Variants in AJAP1 observed in about 807,000 individuals in gnomAD.
AJAP1 encodes adherens junctions associated protein 1.
AJAP1 carries 5 observed loss-of-function variants against 35.0 expected under a neutral mutation model. The observed-to-expected ratio is 0.14, with a 90% CI of 0.07 to 0.30. AJAP1 has a LOEUF of 0.30. AJAP1 is among the 10% of genes least tolerant of loss of function. The probability of loss-of-function intolerance (pLI) is 1.00; values close to 1 mark genes in which losing one functional copy is unlikely to be tolerated. For synonymous variants in AJAP1, 284 were observed against 249.3 expected, an observed-to-expected ratio of 1.14 and a Z score of -1.31; for missense variants, 586 against 571.0, an observed-to-expected ratio of 1.03 and a Z score of -0.27.
intron 1 of AJAP1, among the ~76,000 whole-genome samples, chr1:4,707,925 G>C (rs959134247): frequency 6.7e-6 from 1 of 148,864 alleles, no homozygotes; most frequent in African/African-American, 2.5e-5. Context: ...CTGTCTTTCT[G>C]CTTGTAGCTC....
In AJAP1 at chr1:4,712,672, C is replaced by T; in HGVS notation, c.802C>T (p.Pro268Ser). 5 of 1,517,596 alleles carry T rather than the reference C, an allele frequency of 3.3e-6. No homozygotes were observed. Among genetic ancestry groups the T allele is most frequent in the Non-Finnish European group, 3.5e-6 (4 of 1,128,984 alleles). The allele number at this position is 1,517,596 out of a possible 1,614,324, so 94.0% of individuals were successfully genotyped here. A position where few individuals can be genotyped will look rare whatever the true frequency, so the allele number is the denominator to read the frequency against. The change falls in exon 2 of 6, where the codon CCC (proline) becomes TCC (serine). Residue 268 changes from proline to serine, a missense_variant. Pro to Ser is a moderately conservative substitution (Grantham distance 74). Transcript: ENST00000378191. ...SPSNNGEVTQ[P>S]PRILGEASGL... The stretch of plus-strand genomic sequence containing the variant: ...CAGCAACAACGGGGAAGTCACCCAG[C>T]CCCCAAGGATTCTGGGGGAGGCCTC...
chr1:4,759,253 G>A (rs768809529), intron 2 of AJAP1, among the ~76,000 whole-genome samples: 32 of 152,242 alleles, frequency 2.1e-4, no homozygotes, highest in Non-Finnish European at 3.2e-4. Context: ...CACCAGGGTC[G>A]GTGTTGAAAC....
chr1:4,727,751 T>C (rs1040949715), intron 2 of AJAP1, among the ~76,000 whole-genome samples: 2 of 152,188 alleles, frequency 1.3e-5, no homozygotes, highest in Non-Finnish European at 2.9e-5. Context: ...TGTTTAGTAA[T>C]TTAAGTCTCC....
At chr1:4,757,683 G>A (rs1031292025) in intron 2 of AJAP1, among the ~76,000 whole-genome samples, 6 of 152,196 alleles carry the variant, frequency 3.9e-5, no homozygotes, top group Non-Finnish European at 8.8e-5. Flanking sequence ...TGGTTGGTTG[G>A]TGTCCTCATC....
At chr1:4,780,633 CTTTTTTTTTT>C (rs35738488) in intron 5 of AJAP1, among the ~76,000 whole-genome samples, 2 of 131,456 alleles carry the variant, frequency 1.5e-5, no homozygotes, top group African/African-American at 5.7e-5. Flanking sequence ...TTCTTTCTTT[CTTTTTTTTTT>C]TTTTGTGGGA....
chr1:4,721,102 T>A (rs559244804), intron 2 of AJAP1, among the ~76,000 whole-genome samples: 3 of 152,330 alleles, frequency 2.0e-5, no homozygotes, highest in Non-Finnish European at 2.9e-5. Flanking sequence ...GTAGCTGGAA[T>A]AGCACTTCAC....
Position 4,712,559 on chromosome 1 carries a change from C to A in AJAP1, c.689C>A (p.Thr230Lys), listed in dbSNP as rs199677222. The part of the protein sequence containing the change: ...TTTTTTATPM[T>K]LQTKGFTESL... ...ACCACCACCACGGCCACCCCCATGA[C>A]GCTGCAGACTAAGGGGTTCACCGAG... Residue 230 changes from threonine to lysine, a missense_variant, in exon 2 of 6, where the codon ACG becomes AAG. By Grantham distance (78) the Thr-to-Lys change is moderately conservative. Coordinates refer to ENST00000378191, the MANE Select transcript of AJAP1 (RefSeq NM_018836.4). 3 of 1,612,514 alleles carry A rather than the reference C, an allele frequency of 1.9e-6. No homozygotes were observed. In the African/African-American group the frequency reaches 4.0e-5, roughly 21 times the overall value.
chr1:4,763,405 TC>T (rs1419695925), intron 2 of AJAP1, among the ~76,000 whole-genome samples: 11 of 152,200 alleles, frequency 7.2e-5, no homozygotes, highest in Admixed American at 2.6e-4. Flanking sequence ...CGGAAGGACT[TC>T]CGACGAGAGG....
intron 4 of AJAP1, among the ~76,000 whole-genome samples, chr1:4,772,808 T>G (rs566873419): frequency 2.6e-5 from 4 of 152,172 alleles, no homozygotes; most frequent in African/African-American, 9.7e-5. Context: ...CAGCCCTCGC[T>G]CTGAACCGTC....
Position 4,788,098 on chromosome 1 carries a change from C to T in AJAP1, c.*5613C>T, listed in dbSNP as rs1222651026. ...TGATTATTCTTCCCCACTTATTGTA[C>T]ATTGATGTGCCGCCTGCTAGGAAGA... On this transcript the variant is annotated 3_prime_UTR_variant, in exon 6 of 6. Transcript: ENST00000378191. 4.4e-6 allele frequency: 1 copy of T among 229,010 alleles called. No individual in the cohort carries two copies. The highest frequency in any genetic ancestry group is 8.8e-6 in the Non-Finnish European group (1 of 113,544). 14.2% of individuals were successfully genotyped at this position (229,010 alleles called of 1,614,324 possible).
intron 5 of AJAP1, among the ~76,000 whole-genome samples, chr1:4,781,397 G>C (rs1411486675): frequency 6.6e-6 from 1 of 152,216 alleles, no homozygotes; most frequent in Non-Finnish European, 1.5e-5. Context: ...CCTGATTCCA[G>C]GTCTCCAGAG....
intron 1 of AJAP1, among the ~76,000 whole-genome samples, chr1:4,663,179 G>A (rs1373047244): frequency 6.6e-6 from 1 of 152,166 alleles, no homozygotes; most frequent in Non-Finnish European, 1.5e-5. Flanking sequence ...AGGTCTTGCT[G>A]TGTTGCCCAG....
chr1:4,695,064 G>A (rs187077422), intron 1 of AJAP1, among the ~76,000 whole-genome samples: 1 of 152,286 alleles, frequency 6.6e-6, no homozygotes, highest in African/African-American at 2.4e-5. Flanking sequence ...GGGGACCTGT[G>A]GCCATGTCTG....
At chr1:4,753,036 C>A (rs903765079) in intron 2 of AJAP1, among the ~76,000 whole-genome samples, 2 of 152,018 alleles carry the variant, frequency 1.3e-5, no homozygotes, top group Non-Finnish European at 2.9e-5. Context: ...CCGTACCATC[C>A]CTGCCTCTAA....
chr1:4,784,133 A>G lies in AJAP1; in HGVS notation c.*1648A>G, dbSNP rs1642122340. ...AGGGGCCCCAGACCTGAGCCTCAGTACAGAGAATCCCAACCACACACACTT... is the reference window on the plus strand; with the variant it reads ...AGGGGCCCCAGACCTGAGCCTCAGTGCAGAGAATCCCAACCACACACACTT... On this transcript the variant is annotated 3_prime_UTR_variant, in exon 6 of 6. Coordinates refer to ENST00000378191, the MANE Select transcript of AJAP1 (RefSeq NM_018836.4). 1 of 152,184 alleles carries G rather than the reference A, an allele frequency of 6.6e-6. No homozygotes were observed. The highest frequency in any genetic ancestry group is 2.4e-5 in the African/African-American group (1 of 41,424). The allele number at this position is 152,184 out of a possible 1,614,324, so 9.4% of individuals were successfully genotyped here.
At chr1:4,764,809 C>T (rs1641644769) in intron 2 of AJAP1, among the ~76,000 whole-genome samples, 1 of 152,186 alleles carries the variant, frequency 6.6e-6, no homozygotes, top group Middle Eastern at 3.2e-3. Context: ...TGCCTCACGT[C>T]CTAGAAAGAA....
chr1:4,706,711 A>T (rs920624658), intron 1 of AJAP1, among the ~76,000 whole-genome samples: 1 of 152,206 alleles, frequency 6.6e-6, no homozygotes, highest in Non-Finnish European at 1.5e-5. Context: ...GAAAGGTGCA[A>T]CTTTAAGTGG....
At chr1:4,699,861 G>A (rs1376557397) in intron 1 of AJAP1, among the ~76,000 whole-genome samples, 2 of 152,204 alleles carry the variant, frequency 1.3e-5, no homozygotes, top group Admixed American at 1.3e-4. Flanking sequence ...CTGTGAGAAC[G>A]GCATGAGACA....
intron 3 of AJAP1, 126 bp from the exon 4 acceptor site, chr1:4,772,154 C>A: frequency 8.3e-7 from 1 of 1,204,258 alleles, no homozygotes; most frequent in Non-Finnish European, 1.2e-6. Context: ...CTGGGAATTA[C>A]CGTTTAATAT....
Sources: gnomAD v4.1 joint callset for allele counts (sites outside exome capture counted in the v4.1 genomes callset) on GRCh38, gnomAD v4.1.1 for gene constraint, MANE v1.5 for transcripts, NCBI Gene and HGNC (gene_info 2026-07-23, HGNC 2026-07-21) for gene names.